Variants in HEG1 observed in about 807,000 individuals in gnomAD.
HEG1 encodes protein HEG homolog 1.
HEG1 carries 56 observed loss-of-function variants against 125.6 expected under a neutral mutation model. The ratio of observed to expected loss-of-function variants is 0.45; its 90% CI spans 0.36 to 0.56. The LOEUF (loss-of-function observed/expected upper bound fraction) is 0.56. HEG1 is among the 20% of genes least tolerant of loss of function. The pLI, the probability that HEG1 is intolerant of heterozygous loss-of-function variation, is 0.00. For missense variants in HEG1, 1,523 were observed against 1,670.0 expected, an observed-to-expected ratio of 0.91 and a Z score of 1.53; for synonymous variants, 644 against 668.5, an observed-to-expected ratio of 0.96 and a Z score of 0.57.
chr3:125,032,106 G>A (rs1937508801), intron 1 of HEG1, among the ~76,000 whole-genome samples: 2 of 152,030 alleles, frequency 1.3e-5, no homozygotes, highest in African/African-American at 4.8e-5. Context: ...GAATGTTTTA[G>A]GAGCCACATC....
chr3:125,025,731 T>C (rs1937406319), intron 3 of HEG1, among the ~76,000 whole-genome samples: 1 of 152,254 alleles, frequency 6.6e-6, no homozygotes, highest in Non-Finnish European at 1.5e-5. Context: ...ACTTCCTTTC[T>C]ACCGTTTAGT....
At chr3:124,977,721 CT>C in intron 15 of HEG1, 137 bp downstream of exon 15, 2 of 469,882 alleles carry the variant, frequency 4.3e-6, no homozygotes, top group South Asian at 5.6e-5. Flanking sequence ...TCCCTTTCTC[CT>C]TTTTTAAAAA....
chr3:125,009,423 G>A (rs1299133596), intron 8 of HEG1: 4 of 208,424 alleles, frequency 1.9e-5, no homozygotes, highest in South Asian at 1.1e-4. Flanking sequence ...TTTGTACAAT[G>A]TTTTTAACAA....
chr3:125,033,919 T>C (rs115559252), intron 1 of HEG1, among the ~76,000 whole-genome samples: 128 of 152,352 alleles, frequency 8.4e-4, no homozygotes, highest in Non-Finnish European at 1.5e-3. Flanking sequence ...ATCTAATGCC[T>C]GATATGATCT....
At chr3:124,973,350 T>C (rs6438864) in intron 16 of HEG1, among the ~76,000 whole-genome samples, 49,916 of 151,942 alleles carry the variant, frequency 0.33, 8,325 homozygotes, top group African/African-American at 0.37. Flanking sequence ...TCCTCTAGTT[T>C]TAAGTACCTA....
intron 1 of HEG1, among the ~76,000 whole-genome samples, chr3:125,029,983 G>A (rs1280670197): frequency 2.6e-5 from 4 of 152,104 alleles, no homozygotes. Context: ...TATAATACAG[G>A]ATTAAATTTC....
At chr3:124,996,959 T>C (rs574620873) in intron 12 of HEG1, among the ~76,000 whole-genome samples, 13 of 152,362 alleles carry the variant, frequency 8.5e-5, no homozygotes, top group Admixed American at 7.8e-4. Context: ...ATTCTTGGAC[T>C]ACATTCTTTG....
Position 125,055,634 on chromosome 3 carries a change from T to C in HEG1, c.257A>G (p.Glu86Gly), listed in dbSNP as rs943673583. 154 of 1,198,500 alleles carry C rather than the reference T, an allele frequency of 1.3e-4. 1 individual carries two copies. Among genetic ancestry groups the C allele is most frequent in the Non-Finnish European group, 1.4e-4 (133 of 966,462 alleles). 74.2% of individuals were successfully genotyped at this position (1,198,500 alleles called of 1,614,324 possible). A position where few individuals can be genotyped will look rare whatever the true frequency, so the allele number is the denominator to read the frequency against. The change falls in exon 1 of 17, where the codon GAG becomes GGG. Residue 86 changes from glutamate (E) to glycine (G), a missense_variant. Coordinates refer to ENST00000311127, the MANE Select transcript of HEG1 (RefSeq NM_020733.2). ...TCCCCGCTGTGTCGCGGCGCCTGGCTCAGGGGCCCTGTAGCTGGGGCCGGG... is the reference window on the plus strand; with the variant it reads ...TCCCCGCTGTGTCGCGGCGCCTGGCCCAGGGGCCCTGTAGCTGGGGCCGGG... ...ATPGPSYRAP[E>G]PGAATQRGPS...
intron 14 of HEG1, among the ~76,000 whole-genome samples, chr3:124,989,962 G>A (rs573963317): frequency 3.9e-5 from 6 of 152,096 alleles, no homozygotes; most frequent in Admixed American, 6.5e-5. Context: ...TCTGCCTTCC[G>A]ATCTTCCTAT....
At position 125,017,864 on chromosome 3, in the gene HEG1, T is replaced by A. The variant is rs867628591; in HGVS notation, c.1588+1398A>T. Among the ~76,000 whole-genome samples the A allele has an allele frequency of 1.8e-3, 240 of 134,604 alleles. 3 individuals are homozygous for A. The Middle Eastern group carries it at 0.023, about 13-fold the overall frequency. 88.3% of individuals were successfully genotyped at this position (134,604 alleles called of 152,430 possible). ...TGAAACCCTGTCTCTACTGAAAATA[T>A]AAAAAAAAAAAAAAATTAGCCAGGC... On this transcript the variant is annotated intron_variant, in intron 5 of 16. Transcript: ENST00000311127.
intron 12 of HEG1, among the ~76,000 whole-genome samples, chr3:124,996,311 C>T (rs1321081135): frequency 2.0e-5 from 3 of 152,008 alleles, no homozygotes; most frequent in Non-Finnish European, 2.9e-5. Context: ...CTCCAACTCC[C>T]GATCTCAGGT....
At chr3:124,986,960 C>G (rs1357651186) in intron 14 of HEG1, among the ~76,000 whole-genome samples, 2 of 152,212 alleles carry the variant, frequency 1.3e-5, no homozygotes, top group Non-Finnish European at 1.5e-5. Flanking sequence ...CAGCTCACAC[C>G]CCTTTCCTGC....
At chr3:125,032,950 A>G (rs371755885) in intron 1 of HEG1, among the ~76,000 whole-genome samples, 1 of 152,156 alleles carries the variant, frequency 6.6e-6, no homozygotes, top group Non-Finnish European at 1.5e-5. Context: ...AGGGAACTCC[A>G]GTGCAGTCTC....
At chr3:125,017,120 T>A (rs567292141) in intron 5 of HEG1, among the ~76,000 whole-genome samples, 52 of 152,064 alleles carry the variant, frequency 3.4e-4, no homozygotes, top group African/African-American at 1.3e-3. Context: ...AGTGGCATGA[T>A]CTCAGTTCAC....
intron 12 of HEG1, among the ~76,000 whole-genome samples, chr3:124,991,865 C>T (rs1936839092): frequency 6.6e-6 from 1 of 152,236 alleles, no homozygotes; most frequent in South Asian, 2.1e-4. Flanking sequence ...CCTCCTCGGC[C>T]TCCCAAAGTA....
At chr3:125,047,082 T>C (rs1431269741) in intron 1 of HEG1, among the ~76,000 whole-genome samples, 1 of 152,240 alleles carries the variant, frequency 6.6e-6, no homozygotes, top group Non-Finnish European at 1.5e-5. Flanking sequence ...TGTTTAAGGC[T>C]AAGAAGCAAG....
rs1937199456 is a variant in HEG1 at position 125,013,782 on chromosome 3, G to A, written c.1797C>T (p.Ser599=). The change falls in exon 6 of 17, where the codon TCC becomes TCT. Residue 599 remains serine (S), a synonymous_variant. Transcript: ENST00000311127. The stretch of plus-strand genomic sequence containing the variant: ...TCTCAGTCTGAGCATGAAAAAAGGA[G>A]GAATACTCTGAATGTGAAGAGTTTG... ...KISNSSHSEY[S]SFFHAQTERS... 16 of 1,613,850 alleles carry A rather than the reference G, an allele frequency of 9.9e-6. No homozygotes were observed. The highest frequency in any genetic ancestry group is 1.4e-5 in the Non-Finnish European group (16 of 1,179,762).
intron 1 of HEG1, among the ~76,000 whole-genome samples, chr3:125,031,644 A>G (rs1307550502): frequency 6.6e-6 from 1 of 151,650 alleles, no homozygotes; most frequent in East Asian, 1.9e-4. Context: ...TACAGTTTGT[A>G]TCTAAATACC....
At position 125,055,683 on chromosome 3, in the gene HEG1, G is replaced by GGGCGGCGT; in HGVS notation, c.207_208insACGCCGCC (p.Arg70ThrfsTer55). On this transcript the variant is annotated frameshift_variant, in exon 1 of 17. Transcript: ENST00000311127. LOFTEE classifies it high-confidence loss of function. Reference sequence around the variant, plus strand: ...GGGGTCGCGGGCCCGCGGCGCTCCCGGGGCGGCGTGGGCGGCGGCTCGCGC... The same window carrying GGGCGGCGT: ...GGGGTCGCGGGCCCGCGGCGCTCCCGGGCGGCGTGGGCGGCGTGGGCGGCGGCTCGCGC... The GGGCGGCGT allele has an allele frequency of 4.4e-6, 5 of 1,128,784 alleles. No homozygotes were observed. Among genetic ancestry groups the GGGCGGCGT allele is most frequent in the Non-Finnish European group, 5.4e-6 (5 of 922,886 alleles). The allele number at this position is 1,128,784 out of a possible 1,614,324, so 69.9% of individuals were successfully genotyped here.
Sources: gnomAD v4.1 joint callset for allele counts (sites outside exome capture counted in the v4.1 genomes callset) on GRCh38, gnomAD v4.1.1 for gene constraint, MANE v1.5 for transcripts, NCBI Gene and HGNC (gene_info 2026-07-23, HGNC 2026-07-21) for gene names.